The following MTUS2 variants were observed in gnomAD, a reference collection of about 807,000 sequenced individuals.
The protein encoded by MTUS2 is microtubule-associated tumor suppressor candidate 2.
In MTUS2, 40 loss-of-function variants were observed where a neutral mutation model predicts 114.1. The ratio of observed to expected loss-of-function variants is 0.35; its 90% CI spans 0.27 to 0.46. The LOEUF (loss-of-function observed/expected upper bound fraction) is 0.46, where lower values mean the gene tolerates loss of function less well. Ranked by LOEUF, MTUS2 falls within the 20% of genes least tolerant of loss-of-function variation. The pLI is 1.00. For synonymous variants in MTUS2, 688 were observed against 672.0 expected (o/e 1.02, Z -0.37); for missense variants, 1,679 against 1,705.4 (o/e 0.98, Z 0.27).
At chr13:29,169,402 G>A (rs545139712) in intron 5 of MTUS2, among the ~76,000 whole-genome samples, 2 of 152,250 alleles carry the variant, frequency 1.3e-5, no homozygotes, top group South Asian at 4.1e-4. Context: ...AGAGAAAATG[G>A]TTCTGAGTGT....
chr13:29,065,458 C>T (rs866788532), intron 4 of MTUS2, among the ~76,000 whole-genome samples: 27 of 152,106 alleles, frequency 1.8e-4, no homozygotes, highest in Non-Finnish European at 3.4e-4. Context: ...ATATCGTTTG[C>T]ATGCTTTTTA....
intron 5 of MTUS2, among the ~76,000 whole-genome samples, chr13:29,210,155 G>A (rs962962159): frequency 3.3e-5 from 5 of 151,886 alleles, no homozygotes; most frequent in Admixed American, 6.6e-5. Flanking sequence ...GTTGGAATGG[G>A]TTAATTCAAA....
chr13:29,045,629 C>T (rs1264551722), intron 4 of MTUS2, among the ~76,000 whole-genome samples: 1 of 152,196 alleles, frequency 6.6e-6, no homozygotes, highest in Non-Finnish European at 1.5e-5. Context: ...GGAAATGCTA[C>T]ATAACCATGG....
chr13:29,186,746 T>C (rs1894241375), intron 5 of MTUS2, among the ~76,000 whole-genome samples: 1 of 152,194 alleles, frequency 6.6e-6, no homozygotes, highest in Admixed American at 6.5e-5. Context: ...TGGAAAACTT[T>C]AGCAATACTA....
intron 8 of MTUS2, among the ~76,000 whole-genome samples, chr13:29,391,743 C>G (rs1044498307): frequency 6.6e-6 from 1 of 151,704 alleles, no homozygotes; most frequent in Non-Finnish European, 1.5e-5. Flanking sequence ...ACAAAAGCTA[C>G]GATTAAAAGC....
chr13:29,349,229 A>G (rs1313684650), intron 7 of MTUS2, among the ~76,000 whole-genome samples: 3 of 152,038 alleles, frequency 2.0e-5, no homozygotes, highest in South Asian at 2.1e-4. Context: ...GGTTCATAAT[A>G]TATGTCATTA....
intron 2 of MTUS2, among the ~76,000 whole-genome samples, chr13:28,860,003 T>TAA: frequency 6.6e-6 from 1 of 152,302 alleles, no homozygotes; most frequent in African/African-American, 2.4e-5. Context: ...AAAGGAGGGA[T>TAA]TGATTTATAT....
rs1881059638 is a variant in MTUS2, at chr13:29,480,271, G to A, written c.3306G>A (p.Glu1102=). 1 of 1,554,424 alleles carries A rather than the reference G, an allele frequency of 6.4e-7. No individual in the cohort carries two copies. Among genetic ancestry groups the A allele is most frequent in the East Asian group, 2.4e-5 (1 of 41,268 alleles). ...AGGCCGAGCTCCAGGAGCTGGAGGA[G>A]CGGCTGCAGCTGCAATTCGAGGCGG... is the stretch of plus-strand genomic sequence containing the variant. ...QQQAELQELE[E]RLQLQFEAEM... The change falls in exon 10 of 16, where the codon GAG becomes GAA. Residue 1102 remains glutamate (E), a synonymous_variant. Transcript: ENST00000612955. The surrounding 1 kb of genome is among the most constrained non-coding windows in gnomAD (Gnocchi z 4.4).
At chr13:28,970,566 T>G (rs1036888490) in intron 2 of MTUS2, among the ~76,000 whole-genome samples, 1 of 152,240 alleles carries the variant, frequency 6.6e-6, no homozygotes, top group Non-Finnish European at 1.5e-5. Flanking sequence ...AAAGTTTGCA[T>G]CCTTCTGCTC....
chr13:29,456,535 A>C (rs1482313152), intron 9 of MTUS2, among the ~76,000 whole-genome samples: 1 of 152,216 alleles, frequency 6.6e-6, no homozygotes, highest in Non-Finnish European at 1.5e-5. Flanking sequence ...GATAAATGCA[A>C]AGAAAGCCAC....
intron 6 of MTUS2, among the ~76,000 whole-genome samples, chr13:29,284,108 T>G (rs993833740): frequency 1.3e-5 from 2 of 152,168 alleles, no homozygotes; most frequent in African/African-American, 4.8e-5. Flanking sequence ...CATGGAGTGA[T>G]TCACTGCAGC....
intron 7 of MTUS2, among the ~76,000 whole-genome samples, chr13:29,349,804 CT>C: frequency 6.6e-6 from 1 of 152,006 alleles, no homozygotes; most frequent in South Asian, 2.1e-4. Flanking sequence ...TTCTCTTTAT[CT>C]TTGGTTTTGA....
rs7321554 is a variant in MTUS2 at position 28,936,054 on chromosome 13, G to A, written c.-242-88403G>A. ...GAGCCACCAGGCCTGGCCCAGACTC[G>A]TTTTTTGAGGCAAGATTTTGTATTA... On this transcript the variant is annotated intron_variant, in intron 2 of 15. Transcript: ENST00000612955. Among the ~76,000 whole-genome samples the A allele has an allele frequency of 4.0e-3, 602 of 152,154 alleles. 2 individuals carry two copies. Among genetic ancestry groups the A allele is most frequent in the African/African-American group, 0.014 (570 of 41,532 alleles).
chr13:29,230,303 C>T (rs1230485779), intron 5 of MTUS2, among the ~76,000 whole-genome samples: 27 of 152,048 alleles, frequency 1.8e-4, no homozygotes, highest in Admixed American at 1.8e-3. Flanking sequence ...ATTCCAAGAA[C>T]AAGGACCATT....
At chr13:29,091,948 A>C (rs556546480) in intron 4 of MTUS2, among the ~76,000 whole-genome samples, 3 of 152,328 alleles carry the variant, frequency 2.0e-5, no homozygotes, top group Admixed American at 6.5e-5. Flanking sequence ...AGCCTGAGGA[A>C]AGACCCCGGT....
intron 4 of MTUS2, among the ~76,000 whole-genome samples, chr13:29,082,599 C>T (rs542421171): frequency 4.6e-5 from 7 of 152,248 alleles, no homozygotes; most frequent in South Asian, 2.1e-4. Flanking sequence ...ATAGAATATG[C>T]GAGAGGGCCC....
chr13:29,199,885 A>G (rs1307535075), intron 5 of MTUS2, among the ~76,000 whole-genome samples: 2 of 152,066 alleles, frequency 1.3e-5, no homozygotes, highest in Admixed American at 6.6e-5. Flanking sequence ...TTTTTGGTCT[A>G]TTCGGGGATT....
chr13:28,838,760 A>AG (rs1875267155), intron 1 of MTUS2, among the ~76,000 whole-genome samples: 1 of 151,908 alleles, frequency 6.6e-6, no homozygotes, highest in Non-Finnish European at 1.5e-5. Flanking sequence ...GGGGAAGCCG[A>AG]GGGGGTTGGA....
intron 5 of MTUS2, among the ~76,000 whole-genome samples, chr13:29,180,177 G>T (rs1370368642): frequency 3.3e-5 from 5 of 152,204 alleles, no homozygotes; most frequent in Non-Finnish European, 5.9e-5. Context: ...AGAGAGGGAA[G>T]GTATTCCTTG....
Sources: gnomAD v4.1 joint callset for allele counts (sites outside exome capture counted in the v4.1 genomes callset) on GRCh38, gnomAD v4.1.1 for gene constraint, Gnocchi (gnomAD v3.1) non-coding constraint, MANE v1.5 for transcripts, NCBI Gene and HGNC (gene_info 2026-07-23, HGNC 2026-07-21) for gene names.